Variants in ASCC1 observed in about 807,000 individuals in gnomAD.
The protein encoded by ASCC1 is ASC-1 complex subunit P50.
In ASCC1, 35 loss-of-function variants were observed where a neutral mutation model predicts 46.6. The observed-to-expected ratio is 0.75, with a 90% CI of 0.57 to 0.99. The LOEUF is 0.99. ASCC1 is among the 50% of genes least tolerant of loss of function. The pLI is 0.00. For missense variants in ASCC1, 376 were observed against 428.7 expected, an observed-to-expected ratio of 0.88 and a Z score of 1.09; for synonymous variants, 143 against 146.6, an observed-to-expected ratio of 0.98 and a Z score of 0.18.
chr10:72,153,416 CT>C (rs1431028162), intron 6 of ASCC1, among the ~76,000 whole-genome samples: 1 of 150,394 alleles, frequency 6.6e-6, no homozygotes, highest in East Asian at 1.9e-4. Context: ...TCTTTATTTA[CT>C]TTTTTGTTTG....
rs188927189 is a variant in ASCC1, at chr10:72,193,251, T to C, written c.489+3560A>G. 9.9e-5 allele frequency among the ~76,000 whole-genome samples: 15 copies of C among 152,014 alleles called. No individual in the cohort carries two copies. In the East Asian group the frequency reaches 2.9e-3, roughly 29 times the overall value. ...AAAAACCCAAGTGTCCTCCAATGGGTGAATGGAGAAACAAATTGTAGCATA... is the reference window on the plus strand; with the variant it reads ...AAAAACCCAAGTGTCCTCCAATGGGCGAATGGAGAAACAAATTGTAGCATA... On this transcript the variant is annotated intron_variant, in intron 5 of 9. Transcript: ENST00000672957.
At chr10:72,169,107 TATACAATGATCTGGAGTG>T (rs1324152925) in intron 5 of ASCC1, among the ~76,000 whole-genome samples, 1 of 152,208 alleles carries the variant, frequency 6.6e-6, no homozygotes, top group South Asian at 2.1e-4. Flanking sequence ...TAAACACATG[TATACAATGATCTGGAGTG>T]ATATTTCAGG....
At chr10:72,194,444 T>G (rs903146986) in intron 5 of ASCC1, among the ~76,000 whole-genome samples, 1 of 151,738 alleles carries the variant, frequency 6.6e-6, no homozygotes, top group Non-Finnish European at 1.5e-5. Context: ...AAACTCTAGT[T>G]TGGAGCATAA....
chr10:72,099,019 C>T (rs1238183895), intron 9 of ASCC1, among the ~76,000 whole-genome samples: 2 of 152,162 alleles, frequency 1.3e-5, no homozygotes, highest in African/African-American at 4.8e-5. Context: ...CTTCTAGGTA[C>T]AGAAAAGCTA....
intron 7 of ASCC1, among the ~76,000 whole-genome samples, chr10:72,135,542 G>A (rs1230686443): frequency 1.3e-5 from 2 of 152,240 alleles, no homozygotes; most frequent in Non-Finnish European, 2.9e-5. Context: ...ACTAGGAAGA[G>A]AGAAGTGATG....
At chr10:72,179,895 T>C (rs1337606647) in intron 5 of ASCC1, among the ~76,000 whole-genome samples, 1 of 152,100 alleles carries the variant, frequency 6.6e-6, no homozygotes, top group African/African-American at 2.4e-5. Flanking sequence ...TAATATCCCA[T>C]AAGTGGAAAC....
intron 3 of ASCC1, chr10:72,204,385 C>A (rs1271995284): frequency 1.9e-6 from 3 of 1,550,024 alleles, no homozygotes; most frequent in Non-Finnish European, 2.6e-6. Flanking sequence ...CCATCACTCC[C>A]ACTTAAATCA....
At chr10:72,142,660 C>T (rs1176972286) in intron 7 of ASCC1, among the ~76,000 whole-genome samples, 1 of 152,056 alleles carries the variant, frequency 6.6e-6, no homozygotes, top group Non-Finnish European at 1.5e-5. Flanking sequence ...AGGCACTGCA[C>T]CCGGCCAGAT....
chr10:72,176,408 T>A (rs1851864716), intron 5 of ASCC1, among the ~76,000 whole-genome samples: 1 of 152,176 alleles, frequency 6.6e-6, no homozygotes, highest in Non-Finnish European at 1.5e-5. Context: ...AGTGGCACAA[T>A]CATGGCTACT....
chr10:72,199,867 G>C (rs1856247464), intron 4 of ASCC1, among the ~76,000 whole-genome samples: 1 of 152,046 alleles, frequency 6.6e-6, no homozygotes. Flanking sequence ...AAGTAGCTGA[G>C]ACTACAAGCA....
At position 72,203,557 on chromosome 10, in the gene ASCC1, T is replaced by C. The variant is rs576442861; in HGVS notation, c.213-33A>G. ...ATAAAGTAATTAAAAGAAGATTAAG[T>C]CAAAATGTACCAAAATAAAGAACCT... is the stretch of plus-strand genomic sequence containing the variant. On this transcript the variant is annotated intron_variant, in intron 3 of 9. Coordinates refer to ENST00000672957, the MANE Select transcript of ASCC1 (RefSeq NM_001198800.3). The C allele has an allele frequency of 1.5e-5, 22 of 1,457,602 alleles. No individual in the cohort carries two copies. In the East Asian group the frequency reaches 4.3e-4, roughly 29 times the overall value. 90.3% of individuals were successfully genotyped at this position (1,457,602 alleles called of 1,614,324 possible). A position where few individuals can be genotyped will look rare whatever the true frequency, so the allele number is the denominator to read the frequency against.
At chr10:72,152,309 C>T (rs776355130) in intron 7 of ASCC1, among the ~76,000 whole-genome samples, 2 of 151,674 alleles carry the variant, frequency 1.3e-5, no homozygotes, top group East Asian at 1.9e-4. Flanking sequence ...GGATTACGGG[C>T]GTGAGCCACC....
chr10:72,178,658 G>C (rs1004184035), intron 5 of ASCC1, among the ~76,000 whole-genome samples: 1 of 152,144 alleles, frequency 6.6e-6, no homozygotes, highest in Non-Finnish European at 1.5e-5. Flanking sequence ...AGACAACCCA[G>C]TCCAGCCCAC....
chr10:72,169,656 C>T (rs1016770674), intron 5 of ASCC1, among the ~76,000 whole-genome samples: 2 of 152,108 alleles, frequency 1.3e-5, no homozygotes, highest in Admixed American at 1.3e-4. Context: ...GTATGTATGC[C>T]TCTTACATAG....
chr10:72,141,086 T>TAGATAGATAG (rs750282322), intron 7 of ASCC1, among the ~76,000 whole-genome samples: 1 of 122,114 alleles, frequency 8.2e-6, no homozygotes, highest in African/African-American at 3.0e-5. Context: ...GATAGATAGA[T>TAGATAGATAG]ATAGATATAG....
intron 6 of ASCC1, among the ~76,000 whole-genome samples, chr10:72,158,628 T>C (rs1490148624): frequency 6.6e-6 from 1 of 152,224 alleles, no homozygotes; most frequent in East Asian, 1.9e-4. Flanking sequence ...TACCCCCAAA[T>C]TTAAAATGAA....
At chr10:72,190,434 A>G in intron 5 of ASCC1, 1 of 1,597,972 alleles carries the variant, frequency 6.3e-7, no homozygotes, top group Non-Finnish European at 8.5e-7. Context: ...GTCCACAACC[A>G]CAGGGAGATG....
chr10:72,116,081 C>T lies in ASCC1; in HGVS notation c.957+12001G>A, dbSNP rs578098962. Among the ~76,000 whole-genome samples the T allele has an allele frequency of 5.8e-4, 88 of 152,314 alleles. 1 individual carries two copies. The highest frequency in any genetic ancestry group is 2.5e-3 in the Admixed American group (38 of 15,298). ...GGAAGGTGCTATATAAACACACGTA[C>T]ACCCCAAATGGTTAAGTGTCCTACT... is the stretch of plus-strand genomic sequence containing the variant. On this transcript the variant is annotated intron_variant, in intron 9 of 9. Transcript: ENST00000672957.
rs1173888736 is a variant in ASCC1 at position 72,172,753 on chromosome 10, AT to A, written c.490-11080del. 8.5e-4 allele frequency among the ~76,000 whole-genome samples: 101 copies of A among 118,908 alleles called. 1 individual carries two copies. In the East Asian group the frequency reaches 0.013, roughly 15 times the overall value. 78.0% of individuals were successfully genotyped at this position (118,908 alleles called of 152,430 possible). A position where few individuals can be genotyped will look rare whatever the true frequency, so the allele number is the denominator to read the frequency against. On this transcript the variant is annotated intron_variant, in intron 5 of 9. Coordinates refer to ENST00000672957, the MANE Select transcript of ASCC1 (RefSeq NM_001198800.3). ...ATTATATATATTACATATATTATAT[AT>A]TTTTATATTATATATTATATTTTTT...
Sources: allele counts gnomAD v4.1 joint callset (sites outside exome capture counted in the v4.1 genomes callset), GRCh38; gene constraint gnomAD v4.1.1; transcripts MANE v1.5; gene names NCBI Gene and HGNC (gene_info 2026-07-23, HGNC 2026-07-21).